The following MYOM1 variants were observed in gnomAD, a reference collection of about 807,000 sequenced individuals.
The protein encoded by MYOM1 is myomesin-1.
In MYOM1, 164 loss-of-function variants were observed where a neutral mutation model predicts 205.3. The observed-to-expected ratio is 0.80, with a 90% CI of 0.70 to 0.91. The LOEUF (loss-of-function observed/expected upper bound fraction) is 0.91, where lower values mean the gene tolerates loss of function less well. Ranked by LOEUF, MYOM1 falls within the 40% of genes least tolerant of loss-of-function variation. The pLI, the probability that MYOM1 is intolerant of heterozygous loss-of-function variation, is 0.00. For missense variants in MYOM1, 2,011 were observed against 2,127.3 expected, an observed-to-expected ratio of 0.95 and a Z score of 1.08; for synonymous variants, 772 against 789.4, an observed-to-expected ratio of 0.98 and a Z score of 0.37.
In MYOM1 at chr18:3,152,586, G is replaced by A. The variant is rs538215074; in HGVS notation, c.1644-693C>T. On this transcript the variant is annotated intron_variant, in intron 11 of 37. Transcript: ENST00000356443. The surrounding 1 kb of genome is among the most constrained non-coding windows in gnomAD (Gnocchi z 4.3). Reference sequence around the variant, plus strand: ...GGGATGGAGTGGGTCATTCCCAGCAGACAAATATGACAGCTCATATCATGC... The same window carrying A: ...GGGATGGAGTGGGTCATTCCCAGCAAACAAATATGACAGCTCATATCATGC... Among the ~76,000 whole-genome samples, 41 of 152,308 alleles carry A rather than the reference G, an allele frequency of 2.7e-4. No homozygotes were observed. In the South Asian group the frequency reaches 8.1e-3, roughly 30 times the overall value.
intron 19 of MYOM1, among the ~76,000 whole-genome samples, chr18:3,126,368 G>A (rs1419915067): frequency 6.7e-6 from 1 of 149,890 alleles, no homozygotes; most frequent in African/African-American, 2.5e-5. Flanking sequence ...GAAGGATCCT[G>A]GGACTCTTGA....
chr18:3,225,694 G>A, the MYOM1 span, among the ~76,000 whole-genome samples: 6 of 152,166 alleles, frequency 3.9e-5, no homozygotes, highest in Admixed American at 3.9e-4. Flanking sequence ...CCAAAGTCCA[G>A]CTGAGCCTTA....
chr18:3,239,353 C>T, the MYOM1 span, among the ~76,000 whole-genome samples: 1 of 152,112 alleles, frequency 6.6e-6, no homozygotes, highest in Non-Finnish European at 1.5e-5. Flanking sequence ...TCGTGAGAGC[C>T]ATTATCTTCT....
intron 19 of MYOM1, among the ~76,000 whole-genome samples, chr18:3,126,264 C>CAAAA: frequency 1.5e-5 from 1 of 65,074 alleles, no homozygotes; most frequent in Non-Finnish European, 3.2e-5. Flanking sequence ...GACTTCATCT[C>CAAAA]AAAAAAAAAA....
In MYOM1 at chr18:3,187,571, T is replaced by C; in HGVS notation, c.838A>G (p.Ile280Val). 1 of 1,613,912 alleles carries C rather than the reference T, an allele frequency of 6.2e-7. No individual in the cohort carries two copies. Among genetic ancestry groups the C allele is most frequent in the Non-Finnish European group, 8.5e-7 (1 of 1,179,824 alleles). The change falls in exon 5 of 38, where the codon ATC becomes GTC. Residue 280 changes from isoleucine to valine, a missense_variant. Ile to Val is a conservative substitution (Grantham distance 29). Coordinates refer to ENST00000356443, the MANE Select transcript of MYOM1 (RefSeq NM_003803.4). ...EDHLLHAPEF[I>V]IKPRSHTVWE... ...ACCGTGTGGGAGCGAGGTTTAATGA[T>C]AAACTCAGGAGCATGGAGAAGATGG...
chr18:3,121,107 G>A (rs2079684406), intron 19 of MYOM1, among the ~76,000 whole-genome samples: 1 of 152,144 alleles, frequency 6.6e-6, no homozygotes, highest in South Asian at 2.1e-4. Context: ...ATGGGAAAGA[G>A]AGAAAAGTTG....
At chr18:3,155,784 G>C (rs1430990191) in intron 10 of MYOM1, among the ~76,000 whole-genome samples, 1 of 152,166 alleles carries the variant, frequency 6.6e-6, no homozygotes, top group Non-Finnish European at 1.5e-5. Flanking sequence ...AGGCTCCCAA[G>C]GGAGACAAAT....
At chr18:3,229,976 C>CAA in the MYOM1 span, among the ~76,000 whole-genome samples, 2,292 of 78,496 alleles carry the variant, frequency 0.029, 62 homozygotes, top group Non-Finnish European at 0.033. Flanking sequence ...AACTCCATCT[C>CAA]AAAAAAAAAA....
the MYOM1 span, among the ~76,000 whole-genome samples, chr18:3,225,905 G>C: frequency 8.2e-3 from 1,251 of 152,292 alleles, 10 homozygotes; most frequent in Middle Eastern, 0.037. Flanking sequence ...GTCAGGAATT[G>C]GGTTGACTTA....
chr18:3,135,548 A>AC lies in MYOM1; in HGVS notation c.2207_2208insG (p.Asp737Ter). On this transcript the variant is annotated frameshift_variant and splice_region_variant, in exon 15 of 38. Coordinates refer to ENST00000356443, the MANE Select transcript of MYOM1 (RefSeq NM_003803.4). LOFTEE classifies it high-confidence loss of function. The surrounding 1 kb of genome is among the most constrained non-coding windows in gnomAD (Gnocchi z 4.1). ...TAAAAGAAGTTTACAGTTGCTTACC[A>AC]AGTTTGTCCCCTACCACAGTCACCT... 1 of 1,611,954 alleles carries AC rather than the reference A, an allele frequency of 6.2e-7. No homozygotes were observed. The highest frequency in any genetic ancestry group is 2.2e-5 in the East Asian group (1 of 44,830).
chr18:3,174,810 T>C (rs147707398), intron 6 of MYOM1, among the ~76,000 whole-genome samples: 4 of 152,262 alleles, frequency 2.6e-5, no homozygotes, highest in Admixed American at 2.6e-4. Context: ...TCATTTCCAC[T>C]AAGGTTCAGG....
intron 25 of MYOM1, among the ~76,000 whole-genome samples, chr18:3,095,307 G>A (rs2079286957): frequency 1.3e-5 from 2 of 152,066 alleles, no homozygotes; most frequent in South Asian, 2.1e-4. Context: ...GGTGGCTCAC[G>A]CCTGTAATCC....
At chr18:3,210,970 C>T (rs1022117129) in intron 2 of MYOM1, among the ~76,000 whole-genome samples, 3 of 152,134 alleles carry the variant, frequency 2.0e-5, no homozygotes, top group Non-Finnish European at 4.4e-5. Context: ...TGCTGAATTA[C>T]GTCATATAGG....
At chr18:3,222,034 T>C (rs148525008), upstream of MYOM1, among the ~76,000 whole-genome samples, 37 of 152,252 alleles carry the variant, frequency 2.4e-4, no homozygotes, top group East Asian at 6.9e-3. Context: ...AGAGGAAAAA[T>C]AAACTTATAT....
intron 5 of MYOM1, among the ~76,000 whole-genome samples, chr18:3,177,296 T>A (rs955415630): frequency 3.3e-5 from 5 of 152,024 alleles, no homozygotes; most frequent in Admixed American, 6.5e-5. Context: ...AACAAATAAA[T>A]ACATAAATAA....
Position 3,089,174 on chromosome 18 carries a change from C to G in MYOM1, c.4137G>C (p.Lys1379Asn). The part of the protein sequence containing the change: ...TGECNVLLKC[K>N]VANIKKETHI... The stretch of plus-strand genomic sequence containing the variant: ...TATTAAAAATTTATCTACCTCTTAC[C>G]TTGCATTTCAATAGTACATTACATT... The change falls in exon 29 of 38, where the codon AAG (lysine) becomes AAC (asparagine). Residue 1379 changes from lysine to asparagine, a missense_variant and splice_region_variant. Coordinates refer to ENST00000356443, the MANE Select transcript of MYOM1 (RefSeq NM_003803.4). The G allele has an allele frequency of 6.2e-7, 1 of 1,603,226 alleles. No homozygotes were observed. The highest frequency in any genetic ancestry group is 8.5e-7 in the Non-Finnish European group (1 of 1,171,682).
At chr18:3,195,208 C>A (rs2080978214) in intron 2 of MYOM1, among the ~76,000 whole-genome samples, 1 of 152,220 alleles carries the variant, frequency 6.6e-6, no homozygotes, top group Admixed American at 6.5e-5. Context: ...AGGCAGCGGC[C>A]CCTTGAATCC....
At chr18:3,122,354 C>T (rs11081018) in intron 19 of MYOM1, among the ~76,000 whole-genome samples, 21,651 of 151,768 alleles carry the variant, frequency 0.14, 1,730 homozygotes, top group East Asian at 0.32. Context: ...AAAGTCACCC[C>T]ACCCCAAAAC....
At chr18:3,084,175 T>C in intron 31 of MYOM1, 148 bp from the exon 32 acceptor site, 1 of 778,188 alleles carries the variant, frequency 1.3e-6, no homozygotes, top group South Asian at 1.6e-5. Context: ...TAATGAGTAT[T>C]CTTTGAGGAA....
Sources: allele counts gnomAD v4.1 joint callset (sites outside exome capture counted in the v4.1 genomes callset), GRCh38; gene constraint gnomAD v4.1.1; non-coding constraint Gnocchi (gnomAD v3.1); transcripts MANE v1.5; gene names NCBI Gene and HGNC (gene_info 2026-07-23, HGNC 2026-07-21).